The following DIAPH3 variants were observed in gnomAD, a reference collection of about 807,000 sequenced individuals.
DIAPH3 encodes protein diaphanous homolog 3.
DIAPH3 carries 117 observed loss-of-function variants against 144.3 expected under a neutral mutation model. The ratio of observed to expected loss-of-function variants is 0.81; its 90% CI spans 0.70 to 0.95. The LOEUF (loss-of-function observed/expected upper bound fraction) is 0.95, where lower values mean the gene tolerates loss of function less well. Ranked by LOEUF, DIAPH3 falls within the 40% of genes least tolerant of loss-of-function variation. The pLI, the probability that DIAPH3 is intolerant of heterozygous loss-of-function variation, is 0.00. For synonymous variants in DIAPH3, 519 were observed against 488.9 expected (o/e 1.06, Z -0.81); for missense variants, 1,421 against 1,412.7 (o/e 1.01, Z -0.09).
At chr13:59,767,952 T>C (rs1212178874) in intron 27 of DIAPH3, among the ~76,000 whole-genome samples, 3 of 152,100 alleles carry the variant, frequency 2.0e-5, no homozygotes, top group South Asian at 2.1e-4. Flanking sequence ...GCCCTGACTA[T>C]AAATTAGATA....
intron 14 of DIAPH3, among the ~76,000 whole-genome samples, chr13:59,976,903 C>A (rs1285121265): frequency 6.6e-6 from 1 of 151,718 alleles, no homozygotes; most frequent in Non-Finnish European, 1.5e-5. Context: ...AACATGTTTC[C>A]CCCTACAAGA....
chr13:60,034,887 G>A (rs369912913), intron 5 of DIAPH3: 8 of 152,028 alleles, frequency 5.3e-5, no homozygotes, highest in African/African-American at 9.7e-5. Context: ...ATGAGCTCTC[G>A]TAGTTATATG....
chr13:60,130,371 G>A (rs1193817668), intron 2 of DIAPH3, among the ~76,000 whole-genome samples: 1 of 152,214 alleles, frequency 6.6e-6, no homozygotes, highest in Admixed American at 6.5e-5. Flanking sequence ...GAAGAGAACA[G>A]TGAGAGTGAG....
intron 21 of DIAPH3, among the ~76,000 whole-genome samples, chr13:59,866,623 C>A (rs965360658): frequency 8.6e-5 from 13 of 152,044 alleles, no homozygotes; most frequent in African/African-American, 2.4e-4. Context: ...CCATCTGAAT[C>A]TTATCAATCA....
Position 59,916,226 on chromosome 13 carries a change from C to T in DIAPH3, c.2194G>A (p.Val732Met). The T allele has an allele frequency of 1.2e-6, 2 of 1,613,054 alleles. No homozygotes were observed. The highest frequency in any genetic ancestry group is 1.7e-6 in the Non-Finnish European group (2 of 1,179,416). Residue 732 changes from valine (V) to methionine (M), a missense_variant, in exon 19 of 28, where the codon GTG becomes ATG. Physicochemically the swap from Val to Met is conservative, Grantham distance 21. Coordinates refer to ENST00000400324, the MANE Select transcript of DIAPH3 (RefSeq NM_001042517.2). ...ATCATTCTGATTTCCTCATATGGCA[C>T]CCGAAAAGAGCTCAGGAAGATTGCT... Reference protein sequence around the residue: ...NLSIFLSSFRVPYEEIRMMIL... With the variant: ...NLSIFLSSFRMPYEEIRMMIL...
chr13:59,992,336 TATATTTCAA>T, intron 10 of DIAPH3, 128 bp downstream of exon 10: 1 of 1,025,814 alleles, frequency 9.7e-7, no homozygotes, highest in Non-Finnish European at 1.4e-6. Context: ...TCTTATCATC[TATATTTCAA>T]AAATAGATTT....
chr13:59,997,857 T>C (rs1359628520), intron 9 of DIAPH3, among the ~76,000 whole-genome samples: 1 of 152,044 alleles, frequency 6.6e-6, no homozygotes, highest in African/African-American at 2.4e-5. Flanking sequence ...GGCTCTACAA[T>C]GCAACAACAT....
chr13:59,784,891 A>G (rs1184864469), intron 25 of DIAPH3, among the ~76,000 whole-genome samples: 4 of 152,148 alleles, frequency 2.6e-5, no homozygotes, highest in African/African-American at 9.7e-5. Flanking sequence ...ACATAATTAC[A>G]TGAATTATTC....
At chr13:59,714,322 T>G (rs371232588) in intron 27 of DIAPH3, among the ~76,000 whole-genome samples, 15 of 135,124 alleles carry the variant, frequency 1.1e-4, no homozygotes, top group Non-Finnish European at 2.1e-4. Context: ...ATCCCGCCAC[T>G]GCACTCCAGC....
intron 17 of DIAPH3, among the ~76,000 whole-genome samples, chr13:59,950,707 A>T (rs1309305667): frequency 6.6e-6 from 1 of 152,142 alleles, no homozygotes; most frequent in Non-Finnish European, 1.5e-5. Context: ...TAATTATCCC[A>T]ATTAAAATCA....
intron 20 of DIAPH3, among the ~76,000 whole-genome samples, chr13:59,909,589 T>A (rs2046896219): frequency 1.3e-5 from 2 of 152,204 alleles, no homozygotes; most frequent in Non-Finnish European, 2.9e-5. Context: ...AAAATATTAG[T>A]ACCACAGAAA....
chr13:59,797,401 T>TTCACCA (rs2039669778), intron 25 of DIAPH3, among the ~76,000 whole-genome samples: 2 of 152,222 alleles, frequency 1.3e-5, no homozygotes. Flanking sequence ...AATACTTTTT[T>TTCACCA]TCACCATCAC....
At chr13:59,980,918 C>A in intron 13 of DIAPH3, 59 bp from the exon 14 acceptor site, 3 of 1,387,920 alleles carry the variant, frequency 2.2e-6, no homozygotes, top group Non-Finnish European at 3.0e-6. Flanking sequence ...ATTATGACTT[C>A]AAAAGTTTAG....
intron 13 of DIAPH3, among the ~76,000 whole-genome samples, chr13:59,982,613 T>C (rs1268015581): frequency 6.6e-6 from 1 of 151,612 alleles, no homozygotes; most frequent in African/African-American, 2.4e-5. Context: ...TTTCAAATCA[T>C]TGTGGGTAAT....
At chr13:59,684,232 G>A (rs1202912871) in intron 27 of DIAPH3, among the ~76,000 whole-genome samples, 1 of 152,142 alleles carries the variant, frequency 6.6e-6, no homozygotes, top group Non-Finnish European at 1.5e-5. Flanking sequence ...CACAGATTTG[G>A]AGCTTTCTGC....
rs559646934 is a variant in DIAPH3, at chr13:59,860,674, C to T, written c.2737+733G>A. Among the ~76,000 whole-genome samples the T allele has an allele frequency of 2.6e-5, 4 of 151,838 alleles. No individual in the cohort carries two copies. In the South Asian group the frequency reaches 6.3e-4, roughly 24 times the overall value. ...AATGGCATGAACCTGGGAGGCGGAG[C>T]TTGCAGTGAGCCAAGATCACGCCAC... On this transcript the variant is annotated intron_variant, in intron 22 of 27. Transcript: ENST00000400324.
intron 25 of DIAPH3, among the ~76,000 whole-genome samples, chr13:59,802,658 A>ATTTT (rs1177764369): frequency 1.3e-4 from 3 of 22,914 alleles, no homozygotes; most frequent in South Asian, 2.3e-3. Flanking sequence ...TATTATTATT[A>ATTTT]TTATTATTAT....
intron 3 of DIAPH3, among the ~76,000 whole-genome samples, chr13:60,099,325 C>T (rs2058196181): frequency 6.6e-6 from 1 of 152,104 alleles, no homozygotes; most frequent in South Asian, 2.1e-4. Flanking sequence ...TACAGTTGGA[C>T]AAAATAATCT....
chr13:59,938,683 C>A (rs1006049028), intron 17 of DIAPH3, among the ~76,000 whole-genome samples: 1 of 152,070 alleles, frequency 6.6e-6, no homozygotes, highest in African/African-American at 2.4e-5. Flanking sequence ...TAACTGCAAC[C>A]CAAATGTTCC....
Sources: allele counts gnomAD v4.1 joint callset (sites outside exome capture counted in the v4.1 genomes callset), GRCh38; gene constraint gnomAD v4.1.1; transcripts MANE v1.5; gene names NCBI Gene and HGNC (gene_info 2026-07-23, HGNC 2026-07-21).